Variants in CCDC85A observed in about 807,000 individuals in gnomAD.
CCDC85A encodes coiled-coil domain containing 85A.
CCDC85A carries 38 observed loss-of-function variants against 50.2 expected under a neutral mutation model. The ratio of observed to expected loss-of-function variants is 0.76; its 90% CI spans 0.58 to 0.99. The LOEUF is 0.99. Among genes scored for constraint, CCDC85A ranks in the 50% least tolerant of loss-of-function variants. The probability of loss-of-function intolerance (pLI) is 0.00; values close to 1 mark genes in which losing one functional copy is unlikely to be tolerated. For synonymous variants in CCDC85A, 366 were observed against 301.4 expected (o/e 1.21, Z -2.22); for missense variants, 820 against 742.0 (o/e 1.11, Z -1.22).
At chr2:56,329,577 A>G (rs1207793366) in intron 2 of CCDC85A, among the ~76,000 whole-genome samples, 2 of 152,190 alleles carry the variant, frequency 1.3e-5, no homozygotes, top group Non-Finnish European at 2.9e-5. Flanking sequence ...TTCTGTACAG[A>G]TAGATAATGC....
chr2:56,323,715 AG>A (rs1008257402), intron 2 of CCDC85A, among the ~76,000 whole-genome samples: 72 of 152,230 alleles, frequency 4.7e-4, no homozygotes, highest in African/African-American at 1.6e-3. Context: ...TTACTAGAAC[AG>A]GATTGAGGAG....
At chr2:56,237,123 A>T (rs1669054265) in intron 2 of CCDC85A, among the ~76,000 whole-genome samples, 1 of 152,238 alleles carries the variant, frequency 6.6e-6, no homozygotes, top group African/African-American at 2.4e-5. Context: ...CTCTCTGAGG[A>T]TAGACTCAGA....
intron 2 of CCDC85A, among the ~76,000 whole-genome samples, chr2:56,238,081 T>C (rs561642583): frequency 6.6e-6 from 1 of 152,288 alleles, no homozygotes; most frequent in African/African-American, 2.4e-5. Flanking sequence ...GACTGTATTA[T>C]TCATCTCTGC....
chr2:56,219,139 A>C lies in CCDC85A; in HGVS notation c.1240+25699A>C, dbSNP rs576000942. On this transcript the variant is annotated intron_variant, in intron 2 of 5. Transcript: ENST00000407595. ...CACTGACATGCATCCATGCATGCAC[A>C]CACACACTTCCTTTTCCTGGGCGCC... Among the ~76,000 whole-genome samples the C allele has an allele frequency of 1.1e-4, 16 of 149,916 alleles. No individual in the cohort carries two copies. The South Asian group carries it at 3.5e-3, about 32-fold the overall frequency.
intron 2 of CCDC85A, among the ~76,000 whole-genome samples, chr2:56,297,719 C>T (rs1672018506): frequency 6.6e-6 from 1 of 152,100 alleles, no homozygotes; most frequent in Non-Finnish European, 1.5e-5. Flanking sequence ...GTCACTAAAT[C>T]CAGGTGAGTG....
chr2:56,268,322 G>T (rs1177143004), intron 2 of CCDC85A, among the ~76,000 whole-genome samples: 1 of 152,138 alleles, frequency 6.6e-6, no homozygotes, highest in Non-Finnish European at 1.5e-5. Flanking sequence ...GACAGGCCGG[G>T]CACAGTGGCT....
chr2:56,327,304 T>G (rs1201853957), intron 2 of CCDC85A, among the ~76,000 whole-genome samples: 1 of 152,204 alleles, frequency 6.6e-6, no homozygotes, highest in African/African-American at 2.4e-5. Context: ...GTTTGATTAC[T>G]GAAAATTAAA....
At chr2:56,332,007 G>A (rs1673828791) in intron 2 of CCDC85A, among the ~76,000 whole-genome samples, 1 of 149,626 alleles carries the variant, frequency 6.7e-6, no homozygotes, top group Non-Finnish European at 1.5e-5. Context: ...CACCTGCCCC[G>A]CCGTGCATTG....
intron 2 of CCDC85A, among the ~76,000 whole-genome samples, chr2:56,268,086 C>T (rs1670530748): frequency 6.6e-6 from 1 of 152,130 alleles, no homozygotes; most frequent in East Asian, 1.9e-4. Context: ...TAATACTTCT[C>T]AGGTTAATGT....
intron 2 of CCDC85A, among the ~76,000 whole-genome samples, chr2:56,322,968 A>G (rs76309545): frequency 0.11 from 16,393 of 152,230 alleles, 1,082 homozygotes; most frequent in East Asian, 0.32. Context: ...GCAGCCATAA[A>G]AAAGGATGAG....
At chr2:56,338,512 T>C (rs1674194971) in intron 2 of CCDC85A, among the ~76,000 whole-genome samples, 1 of 152,192 alleles carries the variant, frequency 6.6e-6, no homozygotes, top group Non-Finnish European at 1.5e-5. Flanking sequence ...ATGAGAAGTT[T>C]CTATCAATTT....
chr2:56,381,976 A>T (rs1676605648), intron 5 of CCDC85A, among the ~76,000 whole-genome samples: 1 of 151,946 alleles, frequency 6.6e-6, no homozygotes, highest in East Asian at 1.9e-4. Flanking sequence ...TTTACCTTTA[A>T]AAGTTCTCTA....
intron 2 of CCDC85A, among the ~76,000 whole-genome samples, chr2:56,304,946 A>C (rs6758349): frequency 0.062 from 9,015 of 145,246 alleles, 852 homozygotes; most frequent in African/African-American, 0.23. Context: ...AAAAAAACAA[A>C]AAAAAAAAAA....
intron 2 of CCDC85A, among the ~76,000 whole-genome samples, chr2:56,195,869 G>A (rs1355648004): frequency 1.3e-5 from 2 of 152,114 alleles, no homozygotes; most frequent in Non-Finnish European, 2.9e-5. Context: ...AAGTGTGTGT[G>A]CATTATGGCA....
intron 2 of CCDC85A, among the ~76,000 whole-genome samples, chr2:56,270,298 G>T (rs1439376041): frequency 6.6e-6 from 1 of 152,024 alleles, no homozygotes; most frequent in Non-Finnish European, 1.5e-5. Context: ...AGCAAAGAAG[G>T]ATACCTAAAA....
At chr2:56,201,689 T>G (rs926817709) in intron 2 of CCDC85A, among the ~76,000 whole-genome samples, 1 of 152,164 alleles carries the variant, frequency 6.6e-6, no homozygotes, top group African/African-American at 2.4e-5. Context: ...GTAGTGAATA[T>G]GTACATGCAT....
intron 1 of CCDC85A, among the ~76,000 whole-genome samples, chr2:56,189,845 G>A (rs1334579136): frequency 6.6e-6 from 1 of 152,226 alleles, no homozygotes; most frequent in Non-Finnish European, 1.5e-5. Context: ...TCTAGTGGGT[G>A]AGGGGAAGGA....
intron 2 of CCDC85A, among the ~76,000 whole-genome samples, chr2:56,210,608 T>A (rs1677142635): frequency 6.6e-6 from 1 of 152,062 alleles, no homozygotes; most frequent in Admixed American, 6.6e-5. Flanking sequence ...TGGAGGTAAC[T>A]TTACTCACGT....
Position 56,383,521 on chromosome 2 carries a change from T to C in CCDC85A, c.1573-745T>C, listed in dbSNP as rs999287617. On this transcript the variant is annotated intron_variant, in intron 5 of 5. Transcript: ENST00000407595. ...CTTGATTGCACCTTTTGTCCCTCTA[T>C]GTGGCCCAGCTTCTAACATATTGTA... 1.6e-5 allele frequency: 15 copies of C among 915,534 alleles called. No individual in the cohort carries two copies. The African/African-American group carries it at 2.0e-4, about 12-fold the overall frequency. 56.7% of individuals were successfully genotyped at this position (915,534 alleles called of 1,614,324 possible). A position where few individuals can be genotyped will look rare whatever the true frequency, so the allele number is the denominator to read the frequency against.
Sources: allele counts gnomAD v4.1 joint callset (sites outside exome capture counted in the v4.1 genomes callset), GRCh38; gene constraint gnomAD v4.1.1; transcripts MANE v1.5; gene names NCBI Gene and HGNC (gene_info 2026-07-23, HGNC 2026-07-21).